The following CDH13 variants were observed in gnomAD, a reference collection of about 807,000 sequenced individuals.
CDH13 encodes the protein cadherin 13, also known as cadherin-13.
A neutral mutation model predicts 63.8 loss-of-function variants in CDH13; 24 were observed. That is an observed-to-expected ratio of 0.38 (90% CI 0.27 to 0.53). The LOEUF is 0.53. Ranked by LOEUF, CDH13 falls within the 20% of genes least tolerant of loss-of-function variation. The probability of loss-of-function intolerance (pLI) is 0.85; values close to 1 mark genes in which losing one functional copy is unlikely to be tolerated. For missense variants in CDH13, 1,049 were observed against 903.1 expected (o/e 1.16, Z -2.07); for synonymous variants, 503 against 355.3 (o/e 1.42, Z -4.67).
intron 1 of CDH13, among the ~76,000 whole-genome samples, chr16:82,685,793 C>G (rs1325569192): frequency 1.3e-5 from 2 of 152,150 alleles, no homozygotes; most frequent in African/African-American, 2.4e-5. Flanking sequence ...GAGGTTTAAC[C>G]AAGTCTAGAA....
chr16:82,899,277 C>T (rs1024176381), intron 2 of CDH13, among the ~76,000 whole-genome samples: 2 of 152,192 alleles, frequency 1.3e-5, no homozygotes, highest in South Asian at 2.1e-4. Context: ...TGTAATGCAT[C>T]TACCCATGGT....
At chr16:83,508,691 A>T (rs1011107557) in intron 7 of CDH13, among the ~76,000 whole-genome samples, 22 of 152,126 alleles carry the variant, frequency 1.4e-4, no homozygotes, top group Non-Finnish European at 3.2e-4. Context: ...TAATCTGCCC[A>T]TTGCCACCTG....
chr16:83,585,081 A>G (rs1195206341), intron 7 of CDH13, among the ~76,000 whole-genome samples: 1 of 152,132 alleles, frequency 6.6e-6, no homozygotes, highest in Non-Finnish European at 1.5e-5. Context: ...TCCAAACCGT[A>G]TCAGATGCTC....
Position 82,846,148 on chromosome 16 carries a change from G to T in CDH13, c.46-12214G>T, listed in dbSNP as rs376894620. ...CTTGAACTGGCATGCTATGGTGTTT[G>T]CATTGACCAAACTTCTGCGTGGAGC... On this transcript the variant is annotated intron_variant, in intron 1 of 13. Coordinates refer to ENST00000567109, the MANE Select transcript of CDH13 (RefSeq NM_001257.5). Among the ~76,000 whole-genome samples, 23 of 152,286 alleles carry T rather than the reference G, an allele frequency of 1.5e-4. No individual in the cohort carries two copies. In the East Asian group the frequency reaches 3.5e-3, roughly 23 times the overall value.
chr16:83,426,907 CTTTTTTTTTTTTTTTTTTTT>C (rs71148833), intron 6 of CDH13, among the ~76,000 whole-genome samples: 4 of 63,182 alleles, frequency 6.3e-5, no homozygotes, highest in Non-Finnish European at 8.4e-5. Flanking sequence ...ATGTTTCTTT[CTTTTTTTTTTTTTTTTTTTT>C]TTTTTTTTTT....
intron 8 of CDH13, among the ~76,000 whole-genome samples, chr16:83,668,246 A>G (rs948236214): frequency 2.0e-5 from 3 of 152,168 alleles, no homozygotes; most frequent in African/African-American, 4.8e-5. Context: ...TCATTCATTC[A>G]TTCAACAAAT....
At chr16:82,867,503 C>T (rs1002206274) in intron 2 of CDH13, among the ~76,000 whole-genome samples, 3 of 152,110 alleles carry the variant, frequency 2.0e-5, no homozygotes, top group African/African-American at 7.2e-5. Flanking sequence ...AGCTTTCCAC[C>T]CTCTCTGTTA....
chr16:82,736,381 C>G (rs2033674434), intron 1 of CDH13, among the ~76,000 whole-genome samples: 1 of 152,172 alleles, frequency 6.6e-6, no homozygotes, highest in South Asian at 2.1e-4. Flanking sequence ...CACGGTGCCA[C>G]TCATTAATTC....
At chr16:83,654,051 T>G (rs1475160843) in intron 8 of CDH13, among the ~76,000 whole-genome samples, 1 of 151,898 alleles carries the variant, frequency 6.6e-6, no homozygotes, top group Admixed American at 6.6e-5. Flanking sequence ...AATGCACAAA[T>G]CAGAGACTTA....
At chr16:83,446,020 C>T (rs143218314) in intron 6 of CDH13, among the ~76,000 whole-genome samples, 1 of 152,082 alleles carries the variant, frequency 6.6e-6, no homozygotes, top group South Asian at 2.1e-4. Flanking sequence ...TGAGGAAGGT[C>T]AGGTGCTGTG....
At chr16:82,766,653 C>T (rs2035064197) in intron 1 of CDH13, among the ~76,000 whole-genome samples, 1 of 152,186 alleles carries the variant, frequency 6.6e-6, no homozygotes, top group South Asian at 2.1e-4. Flanking sequence ...TAGGAGCCCT[C>T]ATTGTTTATG....
intron 5 of CDH13, among the ~76,000 whole-genome samples, chr16:83,329,445 G>C (rs1820256): frequency 0.66 from 99,283 of 150,908 alleles, 32,782 homozygotes; most frequent in Middle Eastern, 0.68. Context: ...CCATGTTGGC[G>C]AGGCTGGTCT....
chr16:83,003,821 T>G (rs1913193298), intron 2 of CDH13, among the ~76,000 whole-genome samples: 1 of 152,234 alleles, frequency 6.6e-6, no homozygotes, highest in Non-Finnish European at 1.5e-5. Flanking sequence ...GCTTAACCAG[T>G]GTACTCCATA....
chr16:83,371,686 G>T lies in CDH13; in HGVS notation c.781+26680G>T, dbSNP rs148729941. Among the ~76,000 whole-genome samples, 11 of 152,290 alleles carry T rather than the reference G, an allele frequency of 7.2e-5. No individual in the cohort carries two copies. The East Asian group carries it at 2.1e-3, about 29-fold the overall frequency. ...TTGAAAGTAGATTAATAGTGGTACTGTCAATACTTACATATGAATCACTGA... is the reference window on the plus strand; with the variant it reads ...TTGAAAGTAGATTAATAGTGGTACTTTCAATACTTACATATGAATCACTGA... On this transcript the variant is annotated intron_variant, in intron 6 of 13. Transcript: ENST00000567109.
At chr16:83,591,430 C>G (rs12925198) in intron 7 of CDH13, among the ~76,000 whole-genome samples, 117,067 of 152,218 alleles carry the variant, frequency 0.77, 45,296 homozygotes, top group East Asian at 0.85. Context: ...CTGCTCCTAA[C>G]CAGCCATGTG....
chr16:82,695,489 C>G (rs1251027682), intron 1 of CDH13, among the ~76,000 whole-genome samples: 1 of 152,150 alleles, frequency 6.6e-6, no homozygotes, highest in Non-Finnish European at 1.5e-5. Context: ...CAATGGTGAG[C>G]AGGAAGGACT....
chr16:83,567,401 C>A (rs745592715), intron 7 of CDH13, among the ~76,000 whole-genome samples: 1 of 152,100 alleles, frequency 6.6e-6, no homozygotes, highest in South Asian at 2.1e-4. Context: ...TGTAAAATTG[C>A]AAATATCTGC....
At position 83,065,515 on chromosome 16, in the gene CDH13, G is replaced by A. The variant is rs143284747; in HGVS notation, c.366+33297G>A. 2.0e-5 allele frequency among the ~76,000 whole-genome samples: 3 copies of A among 152,138 alleles called. No individual in the cohort carries two copies. In the East Asian group the frequency reaches 5.8e-4, roughly 30 times the overall value. ...AGATCAGGAGTTCAAAACCAGCCTG[G>A]CCAACATGCTGAAACCCCGTCTCTA... On this transcript the variant is annotated intron_variant, in intron 3 of 13. Coordinates refer to ENST00000567109, the MANE Select transcript of CDH13 (RefSeq NM_001257.5).
chr16:82,811,527 C>G (rs761028208), intron 1 of CDH13, among the ~76,000 whole-genome samples: 18 of 152,118 alleles, frequency 1.2e-4, no homozygotes, highest in Non-Finnish European at 2.5e-4. Context: ...TTGTTATCTA[C>G]ATTCATAGTT....
Sources: allele counts gnomAD v4.1 joint callset (sites outside exome capture counted in the v4.1 genomes callset), GRCh38; gene constraint gnomAD v4.1.1; transcripts MANE v1.5; gene names NCBI Gene and HGNC (gene_info 2026-07-23, HGNC 2026-07-21).